The following SLC16A7 variants were observed in gnomAD, a reference collection of about 807,000 sequenced individuals.
SLC16A7 encodes monocarboxylate transporter 2.
SLC16A7 carries 33 observed loss-of-function variants against 34.9 expected under a neutral mutation model. The observed-to-expected ratio is 0.94, with a 90% CI of 0.72 to 1.26. The LOEUF (loss-of-function observed/expected upper bound fraction) is 1.26. SLC16A7 is among the 50% of genes most tolerant of loss of function. The pLI is 0.00. For missense variants in SLC16A7, 573 were observed against 578.1 expected (o/e 0.99, Z 0.09); for synonymous variants, 201 against 206.6 (o/e 0.97, Z 0.23).
chr12:59,596,725 C>T lies in SLC16A7; in HGVS notation c.-130+489C>T, dbSNP rs1208761208. On this transcript the variant is annotated intron_variant, in intron 1 of 5. Transcript: ENST00000547379. This position sits in a 1 kb window ranked among gnomAD's most constrained non-coding sequence, Gnocchi z 5.0. ...GCTTCATTGCCGCAGAAGGTGGAGG[C>T]GGGGGTGGAGTGTGTGGAGAGAACG... 2.0e-5 allele frequency among the ~76,000 whole-genome samples: 3 copies of T among 151,756 alleles called. No individual in the cohort carries two copies. The highest frequency in any genetic ancestry group is 7.3e-5 in the African/African-American group (3 of 41,202).
At chr12:59,745,691 T>A (rs1878819718) in intron 3 of SLC16A7, among the ~76,000 whole-genome samples, 1 of 152,138 alleles carries the variant, frequency 6.6e-6, no homozygotes, top group Non-Finnish European at 1.5e-5. Context: ...TCCTGGAAGG[T>A]TTAGAAGGTG....
intron 1 of SLC16A7, among the ~76,000 whole-genome samples, chr12:59,645,181 C>G (rs535747777): frequency 5.3e-5 from 8 of 152,254 alleles, no homozygotes; most frequent in African/African-American, 1.7e-4. Flanking sequence ...TTAATAGGCA[C>G]TGACATCTAT....
chr12:59,692,801 A>G (rs1208184013), intron 2 of SLC16A7, among the ~76,000 whole-genome samples: 1 of 152,018 alleles, frequency 6.6e-6, no homozygotes, highest in Admixed American at 6.6e-5. Context: ...TCTCTTGTCT[A>G]GATGTCAAAG....
chr12:59,724,960 G>T (rs1363531244), intron 3 of SLC16A7, among the ~76,000 whole-genome samples: 3 of 144,726 alleles, frequency 2.1e-5, no homozygotes, highest in Non-Finnish European at 1.5e-5. Flanking sequence ...GCAAAGTGTA[G>T]TGTATTTCCT....
chr12:59,616,562 C>T (rs1173962255), intron 1 of SLC16A7, among the ~76,000 whole-genome samples: 1 of 151,906 alleles, frequency 6.6e-6, no homozygotes, highest in East Asian at 1.9e-4. Flanking sequence ...ATCTTATTTG[C>T]CTTCAGTTGT....
intron 2 of SLC16A7, among the ~76,000 whole-genome samples, chr12:59,674,735 G>A (rs1870164799): frequency 6.6e-6 from 1 of 152,130 alleles, no homozygotes; most frequent in African/African-American, 2.4e-5. Context: ...CAATAAAAAG[G>A]GCTAAAATTT....
intron 2 of SLC16A7, among the ~76,000 whole-genome samples, chr12:59,674,222 G>A (rs1870118396): frequency 6.6e-6 from 1 of 152,116 alleles, no homozygotes; most frequent in Non-Finnish European, 1.5e-5. Context: ...TTCTAGCAGG[G>A]AAAAGCTGCC....
At chr12:59,693,344 AAAAT>A (rs1219306056) in intron 2 of SLC16A7, among the ~76,000 whole-genome samples, 3 of 151,968 alleles carry the variant, frequency 2.0e-5, no homozygotes, top group Admixed American at 6.6e-5. Context: ...GATTATTCAC[AAAAT>A]AAATAAAGGA....
intron 2 of SLC16A7, among the ~76,000 whole-genome samples, chr12:59,703,035 T>G (rs1430090051): frequency 6.6e-6 from 1 of 152,100 alleles, no homozygotes; most frequent in Non-Finnish European, 1.5e-5. Flanking sequence ...TAAAAAGCAT[T>G]TATTTAGCAT....
chr12:59,740,426 C>T (rs1878171794), intron 3 of SLC16A7, among the ~76,000 whole-genome samples: 1 of 152,140 alleles, frequency 6.6e-6, no homozygotes, highest in Non-Finnish European at 1.5e-5. Context: ...GTACCAGTAC[C>T]ATGCTGTTTT....
chr12:59,619,793 G>A (rs1467205581), intron 1 of SLC16A7, among the ~76,000 whole-genome samples: 1 of 151,926 alleles, frequency 6.6e-6, no homozygotes, highest in East Asian at 1.9e-4. Context: ...TTCTAAATAA[G>A]CAATTATAAT....
chr12:59,692,257 C>T (rs1051786359), intron 2 of SLC16A7, among the ~76,000 whole-genome samples: 6 of 152,088 alleles, frequency 3.9e-5, no homozygotes, highest in African/African-American at 1.4e-4. Flanking sequence ...CATGTGATTG[C>T]ATTTAGGGCC....
At chr12:59,686,106 T>TTC (rs1871144360) in intron 2 of SLC16A7, among the ~76,000 whole-genome samples, 1 of 149,526 alleles carries the variant, frequency 6.7e-6, no homozygotes, top group Non-Finnish European at 1.5e-5. Context: ...TTTTTTTTTT[T>TTC]TTTTTTTTTT....
intron 1 of SLC16A7, among the ~76,000 whole-genome samples, chr12:59,614,936 G>T (rs1478125975): frequency 6.6e-6 from 1 of 151,318 alleles, no homozygotes; most frequent in African/African-American, 2.4e-5. Context: ...CCGGGAGGTG[G>T]AGTTTGCAGT....
intron 2 of SLC16A7, among the ~76,000 whole-genome samples, chr12:59,681,295 C>T (rs146825333): frequency 6.6e-6 from 1 of 152,298 alleles, no homozygotes; most frequent in Non-Finnish European, 1.5e-5. Context: ...TGTTTTACTC[C>T]CTCCTGGGCA....
At chr12:59,770,128 A>AGACTT (rs1882080527) in intron 3 of SLC16A7, among the ~76,000 whole-genome samples, 2 of 152,162 alleles carry the variant, frequency 1.3e-5, no homozygotes, top group African/African-American at 4.8e-5. Flanking sequence ...GAACTTTTTT[A>AGACTT]GACTTAAATG....
chr12:59,642,407 A>T (rs1265533878), intron 1 of SLC16A7, among the ~76,000 whole-genome samples: 2 of 151,952 alleles, frequency 1.3e-5, no homozygotes, highest in African/African-American at 2.4e-5. Flanking sequence ...TTCGCTTACC[A>T]TATTTTTCAT....
At chr12:59,615,283 A>C in intron 1 of SLC16A7, among the ~76,000 whole-genome samples, 1 of 151,098 alleles carries the variant, frequency 6.6e-6, no homozygotes, top group South Asian at 2.1e-4. Context: ...TTATAGCAGC[A>C]CAAACAGACT....
At chr12:59,759,340 C>G (rs900521079) in intron 3 of SLC16A7, among the ~76,000 whole-genome samples, 10 of 151,868 alleles carry the variant, frequency 6.6e-5, no homozygotes, top group African/African-American at 2.4e-4. Flanking sequence ...TAAAATAGGA[C>G]CCCATTTTCT....
Sources: allele counts gnomAD v4.1 joint callset (sites outside exome capture counted in the v4.1 genomes callset), GRCh38; gene constraint gnomAD v4.1.1; non-coding constraint Gnocchi (gnomAD v3.1); transcripts MANE v1.5; gene names NCBI Gene and HGNC (gene_info 2026-07-23, HGNC 2026-07-21).